The following KDM2A variants were observed in gnomAD, a reference collection of about 807,000 sequenced individuals.
KDM2A encodes the protein lysine-specific demethylase 2A.
Under a neutral mutation model 137.3 loss-of-function variants are expected in KDM2A, and 3 were observed. The ratio of observed to expected loss-of-function variants is 0.02; its 90% CI spans 0.01 to 0.06. The LOEUF is 0.06. Among genes scored for constraint, KDM2A ranks in the 10% least tolerant of loss-of-function variants. The pLI, the probability that KDM2A is intolerant of heterozygous loss-of-function variation, is 1.00. For missense variants in KDM2A, 738 were observed against 1,510.6 expected (o/e 0.49, Z 8.48); for synonymous variants, 512 against 541.5 (o/e 0.95, Z 0.76).
intron 15 of KDM2A, among the ~76,000 whole-genome samples, chr11:67,247,028 T>C (rs1250430683): frequency 8.0e-6 from 1 of 125,552 alleles, no homozygotes; most frequent in Non-Finnish European, 1.6e-5. Flanking sequence ...TTTAATGTTA[T>C]AAATTATTTT....
At position 67,121,264 on chromosome 11, in the gene KDM2A, G is replaced by A; in HGVS notation, c.-53G>A. ...CAATCTGGTTCCTAAGGAGGAAGAGGAAGGCAGCCCTGGAGTGGTTTCTTT... is the reference window on the plus strand; with the variant it reads ...CAATCTGGTTCCTAAGGAGGAAGAGAAAGGCAGCCCTGGAGTGGTTTCTTT... On this transcript the variant is annotated 5_prime_UTR_variant, in exon 2 of 21. Transcript: ENST00000529006. 1 of 1,463,382 alleles carries A rather than the reference G, an allele frequency of 6.8e-7. No individual in the cohort carries two copies. Among genetic ancestry groups the A allele is most frequent in the Non-Finnish European group, 9.6e-7 (1 of 1,045,328 alleles). 90.6% of individuals were successfully genotyped at this position (1,463,382 alleles called of 1,614,324 possible).
At chr11:67,239,979 C>A in intron 12 of KDM2A, 1 of 1,128,942 alleles carries the variant, frequency 8.9e-7, no homozygotes. Flanking sequence ...CCCGGCTCTG[C>A]AGCAGAACGG....
chr11:67,247,730 T>C (rs1362554320), intron 15 of KDM2A, among the ~76,000 whole-genome samples: 1 of 152,182 alleles, frequency 6.6e-6, no homozygotes, highest in East Asian at 1.9e-4. Context: ...CGGCCAACTT[T>C]ACAATCTTAA....
chr11:67,180,486 A>T, intron 3 of KDM2A: 1 of 326,236 alleles, frequency 3.1e-6, no homozygotes, highest in East Asian at 5.4e-5. Context: ...TCCTTCTTCT[A>T]TCCCTTGGTT....
intron 3 of KDM2A, 108 bp from the exon 4 acceptor site, chr11:67,181,212 C>A: frequency 3.4e-6 from 2 of 595,440 alleles, no homozygotes; most frequent in Non-Finnish European, 2.9e-6. Flanking sequence ...ACTATATACA[C>A]AGAATAACAA....
At chr11:67,205,240 A>G (rs780644859) in intron 5 of KDM2A, among the ~76,000 whole-genome samples, 3 of 152,150 alleles carry the variant, frequency 2.0e-5, no homozygotes, top group Non-Finnish European at 4.4e-5. Context: ...TTGATTTGAC[A>G]TTCACTTTTT....
intron 2 of KDM2A, among the ~76,000 whole-genome samples, chr11:67,160,428 G>A (rs936018368): frequency 2.6e-5 from 4 of 152,164 alleles, no homozygotes; most frequent in African/African-American, 9.7e-5. Flanking sequence ...ATGCCAGCAG[G>A]AAAGTGATTT....
intron 2 of KDM2A, among the ~76,000 whole-genome samples, chr11:67,133,534 C>T (rs947610787): frequency 2.6e-5 from 4 of 152,108 alleles, no homozygotes; most frequent in African/African-American, 7.2e-5. Flanking sequence ...TCTCCAGTAG[C>T]TTGGATTACA....
At chr11:67,206,348 T>C (rs550528908) in intron 5 of KDM2A, among the ~76,000 whole-genome samples, 1 of 152,328 alleles carries the variant, frequency 6.6e-6, no homozygotes, top group South Asian at 2.1e-4. Context: ...CAAGAATCTC[T>C]TGAACCTGGG....
At position 67,168,582 on chromosome 11, in the gene KDM2A, T is replaced by TAATAA. The variant is rs879358615; in HGVS notation, c.43-11496_43-11495insATAAA. ...CACACACACAGTCTTGTATGAATTA[T>TAATAA]ACACACACACACACACACACACACA... On this transcript the variant is annotated intron_variant, in intron 2 of 20. Coordinates refer to ENST00000529006, the MANE Select transcript of KDM2A (RefSeq NM_012308.3). Among the ~76,000 whole-genome samples, 8 of 33,984 alleles carry TAATAA rather than the reference T, an allele frequency of 2.4e-4. 2 individuals carry two copies. The highest frequency in any genetic ancestry group is 1.1e-3 in the African/African-American group (8 of 7,498). 22.3% of individuals were successfully genotyped at this position (33,984 alleles called of 152,430 possible).
At chr11:67,125,007 G>C (rs566216783) in intron 2 of KDM2A, among the ~76,000 whole-genome samples, 1 of 151,036 alleles carries the variant, frequency 6.6e-6, no homozygotes, top group African/African-American at 2.4e-5. Flanking sequence ...ACAGGCGCCC[G>C]CCGCCACACC....
At chr11:67,124,105 G>A (rs1054492058) in intron 2 of KDM2A, among the ~76,000 whole-genome samples, 19 of 150,626 alleles carry the variant, frequency 1.3e-4, no homozygotes, top group Non-Finnish European at 1.9e-4. Context: ...CCGGGTTCAG[G>A]TGATTCTCCT....
At chr11:67,168,141 TAAG>T (rs1856788030) in intron 2 of KDM2A, among the ~76,000 whole-genome samples, 1 of 152,146 alleles carries the variant, frequency 6.6e-6, no homozygotes, top group Non-Finnish European at 1.5e-5. Flanking sequence ...ATCTTATTAA[TAAG>T]GAGATACTGA....
rs1404056220 is a variant in KDM2A, at chr11:67,198,725, G to A, written c.308-8785G>A. ...ACTCTGTCTCAAAAAAAAAAAAAAA[G>A]CTTTTCATTATTATTTGTCAGTGGT... On this transcript the variant is annotated intron_variant, in intron 5 of 20. Coordinates refer to ENST00000529006, the MANE Select transcript of KDM2A (RefSeq NM_012308.3). 2.0e-5 allele frequency among the ~76,000 whole-genome samples: 3 copies of A among 149,816 alleles called. 1 individual carries two copies. Among genetic ancestry groups the A allele is most frequent in the South Asian group, 4.2e-4 (2 of 4,754 alleles).
intron 2 of KDM2A, among the ~76,000 whole-genome samples, chr11:67,129,696 T>A (rs1051429605): frequency 2.5e-4 from 35 of 142,096 alleles, no homozygotes; most frequent in African/African-American, 9.2e-4. Context: ...ATCACGCCAC[T>A]GCACTCCAGT....
Position 67,245,081 on chromosome 11 carries a change from G to T in KDM2A, c.1564-108G>T, listed in dbSNP as rs1859164791. 1.9e-5 allele frequency: 23 copies of T among 1,214,766 alleles called. No homozygotes were observed. In the South Asian group the frequency reaches 2.9e-4, roughly 15 times the overall value. The allele number at this position is 1,214,766 out of a possible 1,614,324, so 75.2% of individuals were successfully genotyped here. On this transcript the variant is annotated intron_variant, in intron 13 of 20. Transcript: ENST00000529006. This position sits in a 1 kb window ranked among gnomAD's most constrained non-coding sequence, Gnocchi z 4.1. The stretch of plus-strand genomic sequence containing the variant: ...CTAGAAACAAGCAGTGGGCAGATCT[G>T]GCCATAGTGGGCCAAGCCCCAGGCT...
At chr11:67,169,099 G>A (rs1361676522) in intron 2 of KDM2A, among the ~76,000 whole-genome samples, 1 of 151,742 alleles carries the variant, frequency 6.6e-6, no homozygotes, top group African/African-American at 2.4e-5. Flanking sequence ...GGGATCACAG[G>A]CGCCTGCCAC....
At chr11:67,241,618 A>G (rs1249718667) in intron 12 of KDM2A, among the ~76,000 whole-genome samples, 1 of 152,202 alleles carries the variant, frequency 6.6e-6, no homozygotes, top group Non-Finnish European at 1.5e-5. Context: ...AACAGTTACC[A>G]TCCTGTACAT....
chr11:67,245,278 T>C lies in KDM2A; in HGVS notation c.1653T>C (p.Pro551=). ...TGAAACCAGCTCCACGGTTAACACC[T>C]GTGAGGCCAGCTGCTGCCTCCCCGA... ...HTMKPAPRLT[P]VRPAAASPIV... Residue 551 remains proline (P), a synonymous_variant, in exon 14 of 21, where the codon CCT becomes CCC. Coordinates refer to ENST00000529006, the MANE Select transcript of KDM2A (RefSeq NM_012308.3). The surrounding 1 kb of genome is among the most constrained non-coding windows in gnomAD (Gnocchi z 4.1). The C allele has an allele frequency of 6.2e-7, 1 of 1,614,048 alleles. No individual in the cohort carries two copies. Among genetic ancestry groups the C allele is most frequent in the East Asian group, 2.2e-5 (1 of 44,886 alleles).
Sources: allele counts gnomAD v4.1 joint callset (sites outside exome capture counted in the v4.1 genomes callset), GRCh38; gene constraint gnomAD v4.1.1; non-coding constraint Gnocchi (gnomAD v3.1); transcripts MANE v1.5; gene names NCBI Gene and HGNC (gene_info 2026-07-23, HGNC 2026-07-21).